HSCB: variants seen among roughly 807,000 people sequenced by gnomAD.
HSCB encodes the protein HscB mitochondrial iron-sulfur cluster cochaperone, also known as iron-sulfur cluster co-chaperone protein HscB.
A neutral mutation model predicts 31.3 loss-of-function variants in HSCB; 23 were observed. The observed-to-expected ratio is 0.74, with a 90% CI of 0.53 to 1.04. The LOEUF is 1.04. HSCB is among the 50% of genes least tolerant of loss of function. The pLI is 0.00. For synonymous variants in HSCB, 110 were observed against 104.5 expected, an observed-to-expected ratio of 1.05 and a Z score of -0.32; for missense variants, 297 against 288.1, an observed-to-expected ratio of 1.03 and a Z score of -0.22.
intron 4 of HSCB, among the ~76,000 whole-genome samples, chr22:28,746,247 G>A (rs1224530865): frequency 6.6e-6 from 1 of 151,924 alleles, no homozygotes; most frequent in African/African-American, 2.4e-5. Context: ...CGGGCGTGGT[G>A]GCGGGTGCCT....
At chr22:28,752,206 G>C (rs971016677) in intron 5 of HSCB, among the ~76,000 whole-genome samples, 3 of 152,122 alleles carry the variant, frequency 2.0e-5, no homozygotes, top group African/African-American at 7.2e-5. Flanking sequence ...CACTTTGGGA[G>C]GCCGAGGCGG....
At chr22:28,744,105 A>C (rs1601386668) in intron 2 of HSCB, 127 bp downstream of exon 2, 4 of 770,536 alleles carry the variant, frequency 5.2e-6, no homozygotes. Context: ...TGGCAGTCTG[A>C]CCCCAGCCTG....
intron 1 of HSCB, chr22:28,742,628 C>T (rs1210097914): frequency 1.8e-5 from 7 of 399,200 alleles, no homozygotes; most frequent in African/African-American, 6.3e-5. Context: ...ATTTGAGGGG[C>T]GGTACCTACG....
chr22:28,746,380 CAAAA>C (rs56751858), intron 4 of HSCB, among the ~76,000 whole-genome samples: 1 of 71,568 alleles, frequency 1.4e-5, no homozygotes, highest in Non-Finnish European at 2.6e-5. Flanking sequence ...GACTCCATCT[CAAAA>C]AAAAAAAAAA....
chr22:28,753,925 A>T (rs1056509291), intron 5 of HSCB, among the ~76,000 whole-genome samples: 9 of 152,038 alleles, frequency 5.9e-5, no homozygotes, highest in Non-Finnish European at 1.5e-5. Flanking sequence ...TCGGCAGATC[A>T]CAAGGTCAAG....
Position 28,743,888 on chromosome 22 carries a change from T to C in HSCB, c.243T>C (p.Arg81=), listed in dbSNP as rs201398209. 991 of 1,613,848 alleles carry C rather than the reference T, an allele frequency of 6.1e-4. 5 individuals are homozygous for C. The Middle Eastern group carries it at 9.2e-3, about 15-fold the overall frequency. The change falls in exon 2 of 6, where the codon CGT becomes CGC. Residue 81 remains arginine, a synonymous_variant. Transcript: ENST00000216027. The part of the protein sequence containing the change: ...RDYFSLMDCN[R]SFRVDTAKLQ... ...TCTCCCAATTTCCTTCCAGCAACCG[T>C]TCCTTCAGAGTTGATACAGCGAAGC...
chr22:28,753,707 G>A (rs902924570), intron 5 of HSCB, among the ~76,000 whole-genome samples: 17 of 151,734 alleles, frequency 1.1e-4, no homozygotes, highest in Admixed American at 7.9e-4. Flanking sequence ...GCGTGGTGGC[G>A]GGCACCTGTA....
At chr22:28,750,106 G>A (rs990654239) in intron 4 of HSCB, among the ~76,000 whole-genome samples, 3 of 151,600 alleles carry the variant, frequency 2.0e-5, no homozygotes, top group Non-Finnish European at 4.4e-5. Flanking sequence ...AAAATTAGCC[G>A]GGCATGGTGG....
chr22:28,753,355 A>G (rs924035534), intron 5 of HSCB, among the ~76,000 whole-genome samples: 15 of 145,802 alleles, frequency 1.0e-4, no homozygotes, highest in East Asian at 4.2e-4. Flanking sequence ...GTAAAACCCC[A>G]TCTCTACTAA....
At chr22:28,751,203 T>C in intron 4 of HSCB, 38 bp from the exon 5 acceptor site, 1 of 1,353,780 alleles carries the variant, frequency 7.4e-7, no homozygotes, top group Non-Finnish European at 1.0e-6. Flanking sequence ...ATGAGTCTAT[T>C]TCAATGGAAA....
At position 28,744,682 on chromosome 22, in the gene HSCB, C is replaced by A; in HGVS notation, c.401C>A (p.Pro134His). ...GATGCCTATAAGACCCTCCTGGCCCCCCTGAGCAGAGGACTGTACCTTGTA... is the reference window on the plus strand; with the variant it reads ...GATGCCTATAAGACCCTCCTGGCCCACCTGAGCAGAGGACTGTACCTTGTA... ...VNDAYKTLLA[P>H]LSRGLYLLKL... Residue 134 changes from proline to histidine, a missense_variant, in exon 3 of 6, where the codon CCC becomes CAC. Coordinates refer to ENST00000216027, the MANE Select transcript of HSCB (RefSeq NM_172002.5). The A allele has an allele frequency of 1.9e-6, 3 of 1,613,798 alleles. No individual in the cohort carries two copies. The highest frequency in any genetic ancestry group is 1.7e-6 in the Non-Finnish European group (2 of 1,179,678).
chr22:28,742,382 T>C, intron 1 of HSCB, 51 bp downstream of exon 1: 2 of 1,595,340 alleles, frequency 1.3e-6, no homozygotes, highest in Non-Finnish European at 8.6e-7. Flanking sequence ...CACGTCGAGG[T>C]CTGGCCTGCG....
At chr22:28,756,465 C>CG (rs1450161978) in intron 5 of HSCB, among the ~76,000 whole-genome samples, 2 of 133,362 alleles carry the variant, frequency 1.5e-5, no homozygotes, top group Non-Finnish European at 3.2e-5. Context: ...CAACCACCCA[C>CG]CCTTTTTTTT....
At position 28,742,213 on chromosome 22, in the gene HSCB, C is replaced by G; in HGVS notation, c.118C>G (p.Arg40Gly). The G allele has an allele frequency of 6.2e-7, 1 of 1,613,946 alleles. No homozygotes were observed. ...GTCGCAGGCGGGAAGCAATTATCCC[C>G]GCTGTTGGAACTGCGGCGGCCCATG... ...AASQAGSNYP[R>G]CWNCGGPWGP... The change falls in exon 1 of 6, where the codon CGC becomes GGC. Residue 40 changes from arginine to glycine, a missense_variant. By Grantham distance (125) the Arg-to-Gly change is moderately radical. Transcript: ENST00000216027.
At chr22:28,749,987 T>C (rs1000699418) in intron 4 of HSCB, among the ~76,000 whole-genome samples, 3 of 152,118 alleles carry the variant, frequency 2.0e-5, no homozygotes, top group African/African-American at 7.2e-5. Context: ...TGGTGTCTTA[T>C]GCCTATAATC....
At position 28,742,044 on chromosome 22, in the gene HSCB, C is replaced by G; in HGVS notation, c.-52C>G. The G allele has an allele frequency of 6.4e-7, 1 of 1,551,354 alleles. No homozygotes were observed. Among genetic ancestry groups the G allele is most frequent in the Non-Finnish European group, 8.7e-7 (1 of 1,149,286 alleles). ...TCAGCAACATTAGTCTGGTTAGACG[C>G]TCTCTTTGCTTTTCCCCACGAGTGA... On this transcript the variant is annotated 5_prime_UTR_variant, in exon 1 of 6. Transcript: ENST00000216027.
Position 28,751,282 on chromosome 22 carries a change from G to C in HSCB, c.610G>C (p.Glu204Gln). 1 of 1,592,556 alleles carries C rather than the reference G, an allele frequency of 6.3e-7. No homozygotes were observed. Among genetic ancestry groups the C allele is most frequent in the Middle Eastern group, 1.8e-4 (1 of 5,582 alleles). ...EFTDNVSSAF[E>Q]QDDFEEAKEI... ...TACTGACAATGTGAGCAGTGCTTTT[G>C]AACAAGGTACTTTCTTTTCTTCACT... The change falls in exon 5 of 6, where the codon GAA becomes CAA. Residue 204 changes from glutamate to glutamine, a missense_variant. Glu to Gln is a conservative substitution (Grantham distance 29). Coordinates refer to ENST00000216027, the MANE Select transcript of HSCB (RefSeq NM_172002.5).
At chr22:28,742,406 G>T in intron 1 of HSCB, 75 bp downstream of exon 1, 1 of 1,560,442 alleles carries the variant, frequency 6.4e-7, no homozygotes, top group Non-Finnish European at 8.7e-7. Flanking sequence ...GGGGAGGACG[G>T]ATCTGGCTGG....
At position 28,742,247 on chromosome 22, in the gene HSCB, G is replaced by A. The variant is rs747453853; in HGVS notation, c.152G>A (p.Gly51Glu). 1.2e-6 allele frequency: 2 copies of A among 1,614,084 alleles called. No individual in the cohort carries two copies. The highest frequency in any genetic ancestry group is 1.7e-5 in the Admixed American group (1 of 60,014). The change falls in exon 1 of 6, where the codon GGG (glycine) becomes GAG (glutamate). Residue 51 changes from glycine (G) to glutamate (E), a missense_variant. By Grantham distance (98) the Gly-to-Glu change is moderately conservative. Coordinates refer to ENST00000216027, the MANE Select transcript of HSCB (RefSeq NM_172002.5). The part of the protein sequence containing the change: ...CWNCGGPWGP[G>E]REDRFFCPQC... ...AACTGCGGCGGCCCATGGGGCCCCG[G>A]GCGGGAGGACAGGTTCTTCTGCCCA...
Sources: allele counts gnomAD v4.1 joint callset (sites outside exome capture counted in the v4.1 genomes callset), GRCh38; gene constraint gnomAD v4.1.1; transcripts MANE v1.5; gene names NCBI Gene and HGNC (gene_info 2026-07-23, HGNC 2026-07-21).